Variants in CLSPN observed in about 807,000 individuals in gnomAD.
The protein encoded by CLSPN is claspin homolog.
CLSPN carries 85 observed loss-of-function variants against 156.3 expected under a neutral mutation model. The observed-to-expected ratio is 0.54, with a 90% CI of 0.46 to 0.65. The LOEUF is 0.65. Ranked by LOEUF, CLSPN falls within the 30% of genes least tolerant of loss-of-function variation. The pLI is 0.00. For missense variants in CLSPN, 1,407 were observed against 1,554.9 expected, an observed-to-expected ratio of 0.90 and a Z score of 1.60; for synonymous variants, 534 against 542.4, an observed-to-expected ratio of 0.98 and a Z score of 0.22.
chr1:35,743,621 G>C (rs1351204782), intron 16 of CLSPN, 91 bp from the exon 17 acceptor site: 1 of 1,033,280 alleles, frequency 9.7e-7, no homozygotes, highest in African/African-American at 1.6e-5. Context: ...AATTTTGTGT[G>C]TGTTAATTTT....
chr1:35,735,618 G>A lies in CLSPN; in HGVS notation c.*878C>T, dbSNP rs918094487. The stretch of plus-strand genomic sequence containing the variant: ...AGCTACTTGGGAGGCTGAGACAGGA[G>A]AATCACTTGAACCCGGGAGGCAGAG... On this transcript the variant is annotated 3_prime_UTR_variant, in exon 25 of 25. Transcript: ENST00000318121. 3 of 652,180 alleles carry A rather than the reference G, an allele frequency of 4.6e-6. No individual in the cohort carries two copies. In the African/African-American group the frequency reaches 5.9e-5, roughly 13 times the overall value. 40.4% of individuals were successfully genotyped at this position (652,180 alleles called of 1,614,324 possible).
chr1:35,768,901 A>C (rs1642767001), intron 1 of CLSPN, among the ~76,000 whole-genome samples: 1 of 152,212 alleles, frequency 6.6e-6, no homozygotes, highest in African/African-American at 2.4e-5. Flanking sequence ...CAAAAAATTC[A>C]GTAATCAAAA....
chr1:35,721,449 G>A (rs1324976039), intron 24 of CLSPN, among the ~76,000 whole-genome samples: 6 of 152,108 alleles, frequency 3.9e-5, no homozygotes, highest in South Asian at 2.1e-4. Flanking sequence ...GTGCAGTGGC[G>A]CGATCTCAGC....
In CLSPN at chr1:35,738,220, TCCTTTTTGCAG is replaced by T. The variant is rs1641549622; in HGVS notation, c.3559-134_3559-124del. 4 of 639,592 alleles carry T rather than the reference TCCTTTTTGCAG, an allele frequency of 6.3e-6. No individual in the cohort carries two copies. The East Asian group carries it at 1.2e-4, about 20-fold the overall frequency. The allele number at this position is 639,592 out of a possible 1,614,324, so 39.6% of individuals were successfully genotyped here. A position where few individuals can be genotyped will look rare whatever the true frequency, so the allele number is the denominator to read the frequency against. On this transcript the variant is annotated intron_variant, in intron 21 of 24. Coordinates refer to ENST00000318121, the MANE Select transcript of CLSPN (RefSeq NM_022111.4). ...ACTAGAGTTCCTGGGGTATTTGTTT[TCCTTTTTGCAG>T]CCTTTGCTGCTTTAGACAAAAAAAA...
intron 1 of CLSPN, among the ~76,000 whole-genome samples, chr1:35,769,344 G>A (rs1380730095): frequency 5.3e-5 from 8 of 152,198 alleles, no homozygotes. Flanking sequence ...CCCACTCGGG[G>A]CCCGGTCGGA....
chr1:35,752,111 C>T (rs1363234052), intron 9 of CLSPN, among the ~76,000 whole-genome samples: 3 of 152,072 alleles, frequency 2.0e-5, no homozygotes, highest in African/African-American at 7.2e-5. Context: ...TGATATATAT[C>T]ATGACAATTC....
At position 35,742,001 on chromosome 1, in the gene CLSPN, A is replaced by T. The variant is rs940461771; in HGVS notation, c.3143+1140T>A. On this transcript the variant is annotated intron_variant, in intron 18 of 24. Coordinates refer to ENST00000318121, the MANE Select transcript of CLSPN (RefSeq NM_022111.4). ...AAAAAAAAAAAAAAAAAAAAAAAAA[A>T]GCTGGGCCTGGTGGCTCATGCCTGT... Among the ~76,000 whole-genome samples the T allele has an allele frequency of 3.4e-5, 5 of 144,940 alleles. No homozygotes were observed. The East Asian group carries it at 6.7e-4, about 19-fold the overall frequency.
In CLSPN at chr1:35,764,420, T is replaced by C. The variant is rs370146294; in HGVS notation, c.428A>G (p.Asp143Gly). 2.8e-5 allele frequency: 45 copies of C among 1,614,102 alleles called. No individual in the cohort carries two copies. Among genetic ancestry groups the C allele is most frequent in the Non-Finnish European group, 3.8e-5 (45 of 1,180,004 alleles). ...GGAACTCTTTCTGTCAGTGGTAAAG[T>C]CTGTAGAGTTTCCAGACTGAAGACT... The part of the protein sequence containing the change: ...ELSLQSGNST[D>G]FTTDRKSSKK... The change falls in exon 3 of 25, where the codon GAC becomes GGC. Residue 143 changes from aspartate to glycine, a missense_variant. Coordinates refer to ENST00000318121, the MANE Select transcript of CLSPN (RefSeq NM_022111.4).
chr1:35,729,216 C>CCCCAGCA, downstream of CLSPN, among the ~76,000 whole-genome samples: 1 of 152,172 alleles, frequency 6.6e-6, no homozygotes, highest in African/African-American at 2.4e-5. Flanking sequence ...CCCAACCCTG[C>CCCCAGCA]CTCAGCACTT....
chr1:35,760,062 G>A (rs1268223932), intron 8 of CLSPN, among the ~76,000 whole-genome samples: 1 of 152,102 alleles, frequency 6.6e-6, no homozygotes, highest in African/African-American at 2.4e-5. Context: ...TCAAACTCCT[G>A]ACCTCGTGAT....
Position 35,751,342 on chromosome 1 carries a change from C to T in CLSPN, c.1936G>A (p.Gly646Arg), listed in dbSNP as rs770231680. The change falls in exon 10 of 25, where the codon GGA becomes AGA. Residue 646 changes from glycine to arginine, a missense_variant. Physicochemically the swap from Gly to Arg is moderately radical, Grantham distance 125. This residue lies in a region of CLSPN where 1,096 missense variants were observed against 1,193.0 expected (regional missense o/e 0.92). Coordinates refer to ENST00000318121, the MANE Select transcript of CLSPN (RefSeq NM_022111.4). The stretch of plus-strand genomic sequence containing the variant: ...TCTTCTTTCTCTACCTTCTCTTCTC[C>T]ATCTTCCTCAGACTCATCTGTCATT... ...EEMTDESEED[G>R]EEKVEKEEKE... 14 of 1,596,098 alleles carry T rather than the reference C, an allele frequency of 8.8e-6. No homozygotes were observed. In the South Asian group the frequency reaches 1.3e-4, roughly 15 times the overall value.
rs1176360479 is a variant in CLSPN, at chr1:35,732,166, C to A, written c.*4330G>T. The A allele has an allele frequency of 2.1e-5, 21 of 985,296 alleles. No homozygotes were observed. Among genetic ancestry groups the A allele is most frequent in the Non-Finnish European group, 2.4e-5 (20 of 829,846 alleles). The allele number at this position is 985,296 out of a possible 1,614,324, so 61.0% of individuals were successfully genotyped here. A position where few individuals can be genotyped will look rare whatever the true frequency, so the allele number is the denominator to read the frequency against. On this transcript the variant is annotated 3_prime_UTR_variant, in exon 25 of 25. Transcript: ENST00000318121. ...GTGGTAGGCACCACTACATTCCAAG[C>A]TGTGTGCCAGGCGATGAGTAGGATA...
intron 8 of CLSPN, among the ~76,000 whole-genome samples, chr1:35,757,083 C>T (rs1017709847): frequency 6.6e-6 from 1 of 152,130 alleles, no homozygotes; most frequent in Non-Finnish European, 1.5e-5. Flanking sequence ...CCAAAAAAGC[C>T]CTCCCTCACC....
At position 35,763,160 on chromosome 1, in the gene CLSPN, C is replaced by T. The variant is rs747083975; in HGVS notation, c.744G>A (p.Lys248=). The T allele has an allele frequency of 2.6e-6, 4 of 1,557,174 alleles. No homozygotes were observed. Among genetic ancestry groups the T allele is most frequent in the Admixed American group, 4.0e-5 (2 of 49,466 alleles). ...AAVKNKVKKH[K]KKEPSLESGV... ...CTTATTGCAATCATGCTTTACTTGC[C>T]TTGTGCTTTTTTACTTTGTTTTTTA... Residue 248 remains lysine, a splice_region_variant and synonymous_variant, in exon 4 of 25, where the codon AAG becomes AAA. Coordinates refer to ENST00000318121, the MANE Select transcript of CLSPN (RefSeq NM_022111.4).
intron 1 of CLSPN, among the ~76,000 whole-genome samples, chr1:35,767,026 C>T (rs993759662): frequency 2.6e-5 from 4 of 152,194 alleles, no homozygotes; most frequent in South Asian, 2.1e-4. Context: ...GAATTACAAG[C>T]GTAAGCCACC....
At chr1:35,763,605 C>G (rs1380887989) in intron 3 of CLSPN, among the ~76,000 whole-genome samples, 1 of 152,080 alleles carries the variant, frequency 6.6e-6, no homozygotes, top group Non-Finnish European at 1.5e-5. Context: ...GATGGTTTTT[C>G]TAGTTAGCAA....
Position 35,735,849 on chromosome 1 carries a change from A to C in CLSPN, c.*647T>G. 1 of 985,268 alleles carries C rather than the reference A, an allele frequency of 1.0e-6. No individual in the cohort carries two copies. Among genetic ancestry groups the C allele is most frequent in the Non-Finnish European group, 1.2e-6 (1 of 829,896 alleles). 61.0% of individuals were successfully genotyped at this position (985,268 alleles called of 1,614,324 possible). ...TTTCCCTACTCTTCCTCTTCCAACC[A>C]CTTCTATCAATCACAAAGAGATATT... On this transcript the variant is annotated 3_prime_UTR_variant, in exon 25 of 25. Transcript: ENST00000318121.
In CLSPN at chr1:35,733,426, G is replaced by T; in HGVS notation, c.*3070C>A. ...CACCTCAGTCTCCTAAAGTGCTGGC[G>T]TGAGCCACCGGACCTGGCTGAATTT... On this transcript the variant is annotated 3_prime_UTR_variant, in exon 25 of 25. Coordinates refer to ENST00000318121, the MANE Select transcript of CLSPN (RefSeq NM_022111.4). 3.1e-6 allele frequency: 3 copies of T among 977,564 alleles called. No individual in the cohort carries two copies. Among genetic ancestry groups the T allele is most frequent in the Non-Finnish European group, 3.6e-6 (3 of 824,564 alleles). 60.6% of individuals were successfully genotyped at this position (977,564 alleles called of 1,614,324 possible).
Position 35,760,650 on chromosome 1 carries a change from T to C in CLSPN, c.1271A>G (p.Asp424Gly). The change falls in exon 8 of 25, where the codon GAC becomes GGC. Residue 424 changes from aspartate (D) to glycine (G), a missense_variant. Physicochemically the swap from Asp to Gly is moderately conservative, Grantham distance 94 (BLOSUM62 -1). Coordinates refer to ENST00000318121, the MANE Select transcript of CLSPN (RefSeq NM_022111.4). ...KQSDIRPSPG[D>G]SSVLQQESNF... ...GGATTCCTGTTGCAACACTGAGCTG[T>C]CCCCAGGTGAAGGTCTAATGTCACT... The C allele has an allele frequency of 6.2e-7, 1 of 1,614,212 alleles. No individual in the cohort carries two copies. Among genetic ancestry groups the C allele is most frequent in the South Asian group, 1.1e-5 (1 of 91,078 alleles).
Sources: gnomAD v4.1 joint callset for allele counts (sites outside exome capture counted in the v4.1 genomes callset) on GRCh38, gnomAD v4.1.1 for gene constraint, gnomAD v4.1.1 regional missense constraint, MANE v1.5 for transcripts, NCBI Gene and HGNC (gene_info 2026-07-23, HGNC 2026-07-21) for gene names.